Variants in STAG1 observed in about 807,000 individuals in gnomAD.
The protein encoded by STAG1 is STAG1 cohesin complex component.
Under a neutral mutation model 170.9 loss-of-function variants are expected in STAG1, and 26 were observed. The ratio of observed to expected loss-of-function variants is 0.15; its 90% confidence interval spans 0.11 to 0.21. The LOEUF is 0.21. STAG1 is among the 10% of genes least tolerant of loss of function. STAG1 has a pLI of 1.00. For synonymous variants in STAG1, 514 were observed against 497.7 expected, an observed-to-expected ratio of 1.03 and a Z score of -0.44; for missense variants, 964 against 1,509.5, an observed-to-expected ratio of 0.64 and a Z score of 5.99.
intron 9 of STAG1, among the ~76,000 whole-genome samples, chr3:136,495,186 A>T (rs552749257): frequency 2.6e-5 from 4 of 152,184 alleles, no homozygotes; most frequent in Non-Finnish European, 5.9e-5. Flanking sequence ...TGGTAATTCA[A>T]TTGGGGAAAG....
At chr3:136,541,609 G>A (rs1027130806) in intron 6 of STAG1, among the ~76,000 whole-genome samples, 2 of 126,394 alleles carry the variant, frequency 1.6e-5, no homozygotes, top group East Asian at 2.0e-4. Flanking sequence ...GAATTTCCAC[G>A]TAAAATAATT....
At chr3:136,686,057 A>G (rs1942511126) in intron 1 of STAG1, among the ~76,000 whole-genome samples, 1 of 152,192 alleles carries the variant, frequency 6.6e-6, no homozygotes, top group Non-Finnish European at 1.5e-5. Context: ...AAAACTAGCC[A>G]CAGAGTAAGG....
At chr3:136,418,027 T>C in intron 20 of STAG1, 55 bp from the exon 21 acceptor site, 2 of 1,361,550 alleles carry the variant, frequency 1.5e-6, no homozygotes, top group Non-Finnish European at 2.1e-6. Context: ...AAATTTAAAT[T>C]TGAGCTCAGT....
intron 21 of STAG1, among the ~76,000 whole-genome samples, chr3:136,414,701 T>A (rs527322506): frequency 6.6e-6 from 1 of 152,334 alleles, no homozygotes; most frequent in South Asian, 2.1e-4. Flanking sequence ...CCCAGATGCA[T>A]CAACAGAGTC....
At position 136,521,332 on chromosome 3, in the gene STAG1, A is replaced by G; in HGVS notation, c.557T>C (p.Ile186Thr). 6.2e-7 allele frequency: 1 copy of G among 1,613,836 alleles called. No homozygotes were observed. Among genetic ancestry groups the G allele is most frequent in the Non-Finnish European group, 8.5e-7 (1 of 1,179,792 alleles). Residue 186 changes from isoleucine to threonine, a missense_variant, in exon 7 of 34, where the codon ATT becomes ACT. Ile to Thr is a moderately conservative substitution (Grantham distance 89). This residue lies in a region of STAG1 where 40 missense variants were observed against 44.1 expected (regional missense o/e 0.91). Transcript: ENST00000383202. Reference protein sequence around the residue: ...SNFCEFIGVLIRQCQYSIIYD... With the variant: ...SNFCEFIGVLTRQCQYSIIYD... ...AATTATGCTATACTGACACTGTCGA[A>G]TCAGGACTCCAATAAATTCACAAAA...
chr3:136,503,164 C>T (rs1933573757), intron 7 of STAG1, among the ~76,000 whole-genome samples: 1 of 151,924 alleles, frequency 6.6e-6, no homozygotes, highest in African/African-American at 2.4e-5. Flanking sequence ...TCCTTAGTAC[C>T]TTTACTTAAA....
At chr3:136,454,197 G>A (rs907428713) in intron 13 of STAG1, among the ~76,000 whole-genome samples, 1 of 152,086 alleles carries the variant, frequency 6.6e-6, no homozygotes, top group African/African-American at 2.4e-5. Flanking sequence ...TCATGCCTCA[G>A]CCTCCCAAGT....
intron 1 of STAG1, among the ~76,000 whole-genome samples, chr3:136,656,917 T>C (rs1941397746): frequency 6.6e-6 from 1 of 151,960 alleles, no homozygotes; most frequent in Admixed American, 6.6e-5. Flanking sequence ...CAATTCCTCT[T>C]CTAAAAATAT....
In STAG1 at chr3:136,714,969, TATA is replaced by T. The variant is rs1943493116; in HGVS notation, c.-84+37223_-84+37225del. 4.6e-5 allele frequency among the ~76,000 whole-genome samples: 5 copies of T among 108,452 alleles called. No homozygotes were observed. The Admixed American group carries it at 5.2e-4, about 11-fold the overall frequency. 71.1% of individuals were successfully genotyped at this position (108,452 alleles called of 152,430 possible). ...TATATATATATATATATATATTTTATATATATATTTTTATATATATATTTTATA... is the reference window on the plus strand; with the variant it reads ...TATATATATATATATATATATTTTATTATATTTTTATATATATATTTTATA... On this transcript the variant is annotated intron_variant, in intron 1 of 33. Transcript: ENST00000383202.
At chr3:136,343,042 G>A (rs1204398551) in intron 30 of STAG1, among the ~76,000 whole-genome samples, 1 of 152,190 alleles carries the variant, frequency 6.6e-6, no homozygotes, top group Non-Finnish European at 1.5e-5. Context: ...TGAAAACCCA[G>A]GATTTGATAC....
intron 16 of STAG1, among the ~76,000 whole-genome samples, chr3:136,429,433 G>A (rs2088229850): frequency 6.6e-6 from 1 of 151,960 alleles, no homozygotes; most frequent in East Asian, 1.9e-4. Flanking sequence ...TACACCAGAG[G>A]AACTAATAGA....
intron 1 of STAG1, among the ~76,000 whole-genome samples, chr3:136,735,537 A>T (rs1934285026): frequency 6.6e-6 from 1 of 152,110 alleles, no homozygotes; most frequent in South Asian, 2.1e-4. Flanking sequence ...CCTGGGTTCA[A>T]GTGATTCTCA....
chr3:136,597,918 G>A (rs1378882161), intron 4 of STAG1, among the ~76,000 whole-genome samples: 2 of 151,858 alleles, frequency 1.3e-5, no homozygotes, highest in Non-Finnish European at 2.9e-5. Context: ...GTAGGTTTGG[G>A]GGAGATAACC....
At chr3:136,528,203 G>T (rs1372047177) in intron 6 of STAG1, among the ~76,000 whole-genome samples, 1 of 152,170 alleles carries the variant, frequency 6.6e-6, no homozygotes, top group East Asian at 1.9e-4. Context: ...GAGGCAGACA[G>T]GCCTCCTTGA....
intron 9 of STAG1, among the ~76,000 whole-genome samples, chr3:136,496,249 A>T (rs540392239): frequency 2.3e-4 from 35 of 152,344 alleles, no homozygotes; most frequent in African/African-American, 8.4e-4. Flanking sequence ...ATCAGTAAAG[A>T]GAGAGAAGAC....
chr3:136,504,891 T>C (rs891427683), intron 7 of STAG1, among the ~76,000 whole-genome samples: 1 of 152,142 alleles, frequency 6.6e-6, no homozygotes, highest in African/African-American at 2.4e-5. Flanking sequence ...CCCAGATACA[T>C]AAACAGTAAA....
At chr3:136,521,777 T>C (rs1934690198) in intron 6 of STAG1, among the ~76,000 whole-genome samples, 1 of 152,182 alleles carries the variant, frequency 6.6e-6, no homozygotes, top group Admixed American at 6.5e-5. Flanking sequence ...CAGTTGAATT[T>C]TGATGAAAGC....
In STAG1 at chr3:136,357,731, G is replaced by A. The variant is rs574031236; in HGVS notation, c.3054C>T (p.Asp1018=). The A allele has an allele frequency of 3.1e-5, 49 of 1,598,752 alleles. No individual in the cohort carries two copies. Among genetic ancestry groups the A allele is most frequent in the Non-Finnish European group, 4.0e-5 (47 of 1,176,336 alleles). The change falls in exon 28 of 34, where the codon GAC becomes GAT. Residue 1018 remains aspartate (D), a synonymous_variant. Coordinates refer to ENST00000383202, the MANE Select transcript of STAG1 (RefSeq NM_005862.3). ...SEFSSKLLRQ[D]KKTVHSYLEK... ...AATGTGCAACTTACACTGTCTTTTTGTCCTGTCGAAGAAGTTTAGAAGAAA... is the reference window on the plus strand; with the variant it reads ...AATGTGCAACTTACACTGTCTTTTTATCCTGTCGAAGAAGTTTAGAAGAAA...
intron 10 of STAG1, 103 bp downstream of exon 10, chr3:136,477,186 T>C (rs16843991): frequency 0.33 from 431,857 of 1,293,344 alleles, 76,427 homozygotes; most frequent in African/African-American, 0.53. Flanking sequence ...AATTTCCACA[T>C]GATTACAACT....
Sources: allele counts gnomAD v4.1 joint callset (sites outside exome capture counted in the v4.1 genomes callset), GRCh38; gene constraint gnomAD v4.1.1; regional missense constraint gnomAD v4.1.1; transcripts MANE v1.5; gene names NCBI Gene and HGNC (gene_info 2026-07-23, HGNC 2026-07-21).